The following NAALAD2 variants were observed in gnomAD, a reference collection of about 807,000 sequenced individuals.
NAALAD2 encodes N-acetylated alpha-linked acidic dipeptidase 2, also known as N-acetylated-alpha-linked acidic dipeptidase 2.
In NAALAD2, 89 loss-of-function variants were observed where a neutral mutation model predicts 95.6. That is an observed-to-expected ratio of 0.93 (90% CI 0.78 to 1.11). The LOEUF (loss-of-function observed/expected upper bound fraction) is 1.11, where lower values mean the gene tolerates loss of function less well. Ranked by LOEUF, NAALAD2 falls within the 50% of genes least tolerant of loss-of-function variation. The pLI, the probability that NAALAD2 is intolerant of heterozygous loss-of-function variation, is 0.00. For missense variants in NAALAD2, 894 were observed against 872.4 expected, an observed-to-expected ratio of 1.02 and a Z score of -0.31; for synonymous variants, 264 against 294.4, an observed-to-expected ratio of 0.90 and a Z score of 1.06.
chr11:90,177,417 A>G (rs1397777025), intron 15 of NAALAD2, among the ~76,000 whole-genome samples: 1 of 151,756 alleles, frequency 6.6e-6, no homozygotes, highest in African/African-American at 2.4e-5. Flanking sequence ...TACAAGGAGA[A>G]AATGTTCAAG....
chr11:90,168,047 A>G (rs915974610), intron 11 of NAALAD2, among the ~76,000 whole-genome samples: 4 of 152,160 alleles, frequency 2.6e-5, no homozygotes, highest in African/African-American at 9.7e-5. Context: ...CCTTGGGTCC[A>G]CACTGCCTTT....
chr11:90,140,959 A>G (rs1951597194), intron 2 of NAALAD2, among the ~76,000 whole-genome samples: 2 of 152,254 alleles, frequency 1.3e-5, no homozygotes, highest in South Asian at 4.1e-4. Flanking sequence ...CCATTTGTTA[A>G]AATGTTATCC....
intron 11 of NAALAD2, among the ~76,000 whole-genome samples, chr11:90,166,795 A>C (rs1260817059): frequency 6.6e-6 from 1 of 150,736 alleles, no homozygotes; most frequent in Non-Finnish European, 1.5e-5. Flanking sequence ...AGACAGCGCT[A>C]CTGCACTCTG....
rs1007087369 is a variant in NAALAD2, at chr11:90,158,189, C to T, written c.841C>T (p.Arg281Ter). The change falls in exon 7 of 19, where the codon CGA (arginine) becomes TGA (stop). Residue 281 changes from arginine to a stop codon, truncating the protein, a stop_gained. Coordinates refer to ENST00000534061, the MANE Select transcript of NAALAD2 (RefSeq NM_005467.4). LOFTEE classifies it high-confidence loss of function. ...LDVEEGVGIP[R>*]IPVHPIGYND... ...TGTTGAAGAAGGAGTGGGAATCCCC[C>T]GAATACCTGTACATCCCATTGGATA... The T allele has an allele frequency of 9.9e-6, 16 of 1,610,664 alleles. No homozygotes were observed. Among genetic ancestry groups the T allele is most frequent in the Middle Eastern group, 3.3e-4 (2 of 6,060 alleles).
intron 16 of NAALAD2, among the ~76,000 whole-genome samples, chr11:90,181,278 C>T (rs1952960147): frequency 6.6e-6 from 1 of 151,946 alleles, no homozygotes; most frequent in South Asian, 2.1e-4. Context: ...ATATCCTATG[C>T]ATAGCTGTAT....
intron 18 of NAALAD2, among the ~76,000 whole-genome samples, chr11:90,189,652 C>G (rs1309595400): frequency 1.3e-5 from 2 of 151,988 alleles, no homozygotes; most frequent in Non-Finnish European, 2.9e-5. Flanking sequence ...ACCTGTAATT[C>G]CAGCTACTCG....
rs756111524 is a variant in NAALAD2 at position 90,183,014 on chromosome 11, G to C, written c.2033+6G>C. ...CCAGGAAAGCTGTTCTATAGGTAAG[G>C]AAACAACAGGCGCCAAATACATCAC... On this transcript the variant is annotated splice_donor_region_variant and intron_variant, in intron 18 of 18. Transcript: ENST00000534061. The C allele has an allele frequency of 2.5e-6, 4 of 1,605,156 alleles. No homozygotes were observed. The Admixed American group carries it at 6.7e-5, about 27-fold the overall frequency.
rs377058290 is a variant in NAALAD2 at position 90,170,040 on chromosome 11, T to C, written c.1343-29T>C. 6 of 1,326,622 alleles carry C rather than the reference T, an allele frequency of 4.5e-6. No homozygotes were observed. The African/African-American group carries it at 7.2e-5, about 16-fold the overall frequency. The allele number at this position is 1,326,622 out of a possible 1,614,324, so 82.2% of individuals were successfully genotyped here. A position where few individuals can be genotyped will look rare whatever the true frequency, so the allele number is the denominator to read the frequency against. On this transcript the variant is annotated intron_variant, in intron 12 of 18. Coordinates refer to ENST00000534061, the MANE Select transcript of NAALAD2 (RefSeq NM_005467.4). ...TGGAATTTCATTTAGAAGTATGAAA[T>C]AATACTCTGTGTCTTATTTATTTTT...
chr11:90,172,257 AG>A (rs146271624), intron 13 of NAALAD2, among the ~76,000 whole-genome samples: 2,043 of 152,268 alleles, frequency 0.013, 44 homozygotes, highest in African/African-American at 0.046. Context: ...TTGGTGAGGA[AG>A]GGTGTAGAGT....
intron 8 of NAALAD2, among the ~76,000 whole-genome samples, chr11:90,159,951 T>C (rs1952240897): frequency 1.3e-5 from 1 of 76,072 alleles, no homozygotes; most frequent in Non-Finnish European, 2.3e-5. Flanking sequence ...TGAAACTCCA[T>C]CTAAAAAAAA....
intron 17 of NAALAD2, 26 bp from the exon 18 acceptor site, chr11:90,182,890 T>C: frequency 4.0e-6 from 6 of 1,491,270 alleles, no homozygotes; most frequent in Non-Finnish European, 5.6e-6. Flanking sequence ...GTTTGCGTTA[T>C]AATTATGTAT....
At position 90,168,690 on chromosome 11, in the gene NAALAD2, A is replaced by G. The variant is rs1952549314; in HGVS notation, c.1279-239A>G. ...TTTTTTTTTCTTAGGGCTCTCTGCT[A>G]TTGCTATAAACAGTAGCTATTGCTT... On this transcript the variant is annotated intron_variant, in intron 11 of 18. Coordinates refer to ENST00000534061, the MANE Select transcript of NAALAD2 (RefSeq NM_005467.4). Among the ~76,000 whole-genome samples, 3 of 152,190 alleles carry G rather than the reference A, an allele frequency of 2.0e-5. No homozygotes were observed. The South Asian group carries it at 6.2e-4, about 32-fold the overall frequency.
Position 90,163,539 on chromosome 11 carries a change from G to A in NAALAD2, c.1200G>A (p.Trp400Ter), listed in dbSNP as rs566583083. 1.9e-5 allele frequency: 30 copies of A among 1,613,980 alleles called. 1 individual carries two copies. In the South Asian group the frequency reaches 2.9e-4, roughly 15 times the overall value. ...GTGTGTTAACAATTCTTACAGGCTG[G>A]AGACCTAGAAGAACTATCATTTTTG... ...RSFGKLMSKG[W>*]RPRRTIIFAS... Residue 400 changes from tryptophan (W) to a stop codon, truncating the protein, a stop_gained, in exon 11 of 19, where the codon TGG becomes TGA. Coordinates refer to ENST00000534061, the MANE Select transcript of NAALAD2 (RefSeq NM_005467.4). LOFTEE classifies it high-confidence loss of function.
Position 90,135,688 on chromosome 11 carries a change from A to T in NAALAD2, c.194+18A>T. Reference sequence around the variant, plus strand: ...TTTCTTCGGTAAGTTTATTTTACGTATTTGATCTTAAAAATCATGTTTAAA... The same window carrying T: ...TTTCTTCGGTAAGTTTATTTTACGTTTTTGATCTTAAAAATCATGTTTAAA... On this transcript the variant is annotated intron_variant, in intron 2 of 18. Coordinates refer to ENST00000534061, the MANE Select transcript of NAALAD2 (RefSeq NM_005467.4). 6.3e-7 allele frequency: 1 copy of T among 1,584,174 alleles called. No individual in the cohort carries two copies. Among genetic ancestry groups the T allele is most frequent in the Non-Finnish European group, 8.7e-7 (1 of 1,154,752 alleles).
chr11:90,185,858 CTT>C lies in NAALAD2; in HGVS notation c.2033+2865_2033+2866del, dbSNP rs375865674. ...GGATTTCAGGGTGAAAGGGTAAACA[CTT>C]TTTTTTTTTTTTTTATATACATTTA... is the stretch of plus-strand genomic sequence containing the variant. On this transcript the variant is annotated intron_variant, in intron 18 of 18. Coordinates refer to ENST00000534061, the MANE Select transcript of NAALAD2 (RefSeq NM_005467.4). Among the ~76,000 whole-genome samples, 200 of 133,076 alleles carry C rather than the reference CTT, an allele frequency of 1.5e-3. 2 individuals carry two copies. The South Asian group carries it at 0.032, about 21-fold the overall frequency. 87.3% of individuals were successfully genotyped at this position (133,076 alleles called of 152,430 possible).
At position 90,147,331 on chromosome 11, in the gene NAALAD2, T is replaced by A. The variant is rs767329492; in HGVS notation, c.196T>A (p.Ser66Thr). ...KAENIKSFLR[S>T]FTKLPHLAGT... is the part of the protein sequence containing the mutation. Reference sequence around the variant, plus strand: ...TCTTATGTTTTATTTTCATTTTAGTTCTTTTACAAAGCTTCCTCATCTGGC... The same window carrying A: ...TCTTATGTTTTATTTTCATTTTAGTACTTTTACAAAGCTTCCTCATCTGGC... Residue 66 changes from serine to threonine, a missense_variant and splice_region_variant, in exon 3 of 19, where the codon TCT (serine) becomes ACT (threonine). Ser to Thr is a moderately conservative substitution (Grantham distance 58). Transcript: ENST00000534061. 6.2e-7 allele frequency: 1 copy of A among 1,611,992 alleles called. No individual in the cohort carries two copies. The highest frequency in any genetic ancestry group is 1.1e-5 in the South Asian group (1 of 90,994).
chr11:90,160,962 C>G (rs1952276955), intron 8 of NAALAD2, among the ~76,000 whole-genome samples: 1 of 152,164 alleles, frequency 6.6e-6, no homozygotes, highest in African/African-American at 2.4e-5. Context: ...AATGACAAGA[C>G]ATAAAGGCCA....
chr11:90,178,186 G>A, intron 16 of NAALAD2, 69 bp downstream of exon 16: 2 of 1,452,452 alleles, frequency 1.4e-6, no homozygotes, highest in Non-Finnish European at 1.9e-6. Context: ...CTCCTATGAT[G>A]ATCAATGCAT....
intron 9 of NAALAD2, 27 bp from the exon 10 acceptor site, chr11:90,163,283 A>G (rs2134919062): frequency 6.3e-7 from 1 of 1,593,680 alleles, no homozygotes; most frequent in East Asian, 2.2e-5. Context: ...TCAAAGTTGT[A>G]GGTTTCTTGA....
Sources: allele counts gnomAD v4.1 joint callset (sites outside exome capture counted in the v4.1 genomes callset), GRCh38; gene constraint gnomAD v4.1.1; transcripts MANE v1.5; gene names NCBI Gene and HGNC (gene_info 2026-07-23, HGNC 2026-07-21).